TENM2: variants seen among roughly 807,000 people sequenced by gnomAD.
TENM2 encodes teneurin-2.
In TENM2, 52 loss-of-function variants were observed where a neutral mutation model predicts 245.2. The ratio of observed to expected loss-of-function variants is 0.21; its 90% confidence interval spans 0.17 to 0.27. The LOEUF is 0.27. Ranked by LOEUF, TENM2 falls within the 10% of genes least tolerant of loss-of-function variation. The pLI, the probability that TENM2 is intolerant of heterozygous loss-of-function variation, is 1.00. For missense variants in TENM2, 3,046 were observed against 3,666.8 expected, an observed-to-expected ratio of 0.83 and a Z score of 4.37; for synonymous variants, 1,363 against 1,438.9, an observed-to-expected ratio of 0.95 and a Z score of 1.19.
chr5:167,899,656 A>G lies in TENM2; in HGVS notation c.712+23461A>G, dbSNP rs1187590584. On this transcript the variant is annotated intron_variant, in intron 3 of 28. Transcript: ENST00000518659. ...TGACCTCTCTGTGGAAACCAGAGTG[A>G]CTCATTTAGAGGGCAACACTCAGTG... 5.3e-5 allele frequency among the ~76,000 whole-genome samples: 8 copies of G among 152,108 alleles called. No individual in the cohort carries two copies. The East Asian group carries it at 1.5e-3, about 29-fold the overall frequency.
At chr5:168,033,883 C>T (rs1475019778) in intron 5 of TENM2, among the ~76,000 whole-genome samples, 4 of 151,644 alleles carry the variant, frequency 2.6e-5, no homozygotes, top group Non-Finnish European at 5.9e-5. Flanking sequence ...AAAAATTAGC[C>T]AGGTGTGGTT....
At chr5:167,757,157 A>G (rs1762362573) in intron 2 of TENM2, among the ~76,000 whole-genome samples, 1 of 151,420 alleles carries the variant, frequency 6.6e-6, no homozygotes. Context: ...TTTGTTACAT[A>G]GGTATATATG....
At chr5:167,203,628 T>C in the TENM2 span, among the ~76,000 whole-genome samples, 5 of 152,304 alleles carry the variant, frequency 3.3e-5, no homozygotes, top group East Asian at 9.6e-4. Flanking sequence ...GAGGCTCTAC[T>C]TAAAAAAATG....
chr5:167,969,087 G>A (rs1781583364), intron 4 of TENM2, among the ~76,000 whole-genome samples: 1 of 152,142 alleles, frequency 6.6e-6, no homozygotes, highest in Non-Finnish European at 1.5e-5. Flanking sequence ...TTTGTGCCCA[G>A]TAGGATACTA....
At chr5:167,734,580 G>C (rs376133190) in intron 2 of TENM2, among the ~76,000 whole-genome samples, 5 of 151,666 alleles carry the variant, frequency 3.3e-5, no homozygotes, top group East Asian at 3.9e-4. Flanking sequence ...TATCCTTCTT[G>C]TGCCAAACGA....
intron 2 of TENM2, among the ~76,000 whole-genome samples, chr5:167,607,122 A>G (rs1038912202): frequency 2.0e-5 from 3 of 152,146 alleles, no homozygotes; most frequent in African/African-American, 7.2e-5. Flanking sequence ...CTCTAGAAAA[A>G]TCATTCACTG....
chr5:167,483,267 A>T lies in TENM2; in HGVS notation c.502+107794A>T, dbSNP rs182313485. The stretch of plus-strand genomic sequence containing the variant: ...TTGAAAATCAGTGATTAGACAAAGG[A>T]TGCTTCCTTGCCCCTGGCAGCCTTC... On this transcript the variant is annotated intron_variant, in intron 2 of 28. Coordinates refer to ENST00000518659, the Ensembl canonical transcript of TENM2. 2.4e-3 allele frequency among the ~76,000 whole-genome samples: 372 copies of T among 152,330 alleles called. 11 individuals carry two copies. The highest frequency in any genetic ancestry group is 0.023 in the Admixed American group (353 of 15,298).
At chr5:167,460,654 A>G (rs554795852) in intron 2 of TENM2, among the ~76,000 whole-genome samples, 2 of 151,384 alleles carry the variant, frequency 1.3e-5, no homozygotes, top group South Asian at 4.2e-4. Context: ...ACCACAGTTC[A>G]TTGGGCTGGA....
chr5:167,489,042 C>G (rs1324157310), intron 2 of TENM2, among the ~76,000 whole-genome samples: 2 of 152,182 alleles, frequency 1.3e-5, no homozygotes, highest in African/African-American at 2.4e-5. Flanking sequence ...GTCCACTGCT[C>G]TAACTCTGGT....
At chr5:168,193,629 A>G (rs1761140094) in intron 14 of TENM2, among the ~76,000 whole-genome samples, 1 of 152,206 alleles carries the variant, frequency 6.6e-6, no homozygotes, top group Non-Finnish European at 1.5e-5. Flanking sequence ...TACAGGAATG[A>G]TTTAAAAGAA....
At chr5:167,509,754 A>T (rs1186730033) in intron 2 of TENM2, among the ~76,000 whole-genome samples, 1 of 152,190 alleles carries the variant, frequency 6.6e-6, no homozygotes, top group Non-Finnish European at 1.5e-5. Flanking sequence ...CATAATTTTA[A>T]CAATAATGCT....
intron 1 of TENM2, among the ~76,000 whole-genome samples, chr5:167,343,083 T>G (rs1758225866): frequency 6.6e-6 from 1 of 152,176 alleles, no homozygotes; most frequent in Admixed American, 6.5e-5. Flanking sequence ...TTAATACTAT[T>G]TTATTTACTT....
rs531368991 is a variant in TENM2, at chr5:167,864,689, A to G, written c.503-11297A>G. On this transcript the variant is annotated intron_variant, in intron 2 of 28. Transcript: ENST00000518659. ...GTGGCATGAGGTCTAAAATCAGAAA[A>G]CCTCGGTTCCAACTCTTCTTCCCAA... Among the ~76,000 whole-genome samples the G allele has an allele frequency of 1.6e-4, 24 of 152,184 alleles. 1 individual carries two copies. The East Asian group carries it at 4.6e-3, about 29-fold the overall frequency.
intron 2 of TENM2, among the ~76,000 whole-genome samples, chr5:167,729,689 A>G (rs1212648933): frequency 6.6e-6 from 1 of 152,182 alleles, no homozygotes; most frequent in Non-Finnish European, 1.5e-5. Flanking sequence ...AAGGTTTGTG[A>G]GTATTTTTTC....
At chr5:167,844,920 C>T (rs1041249499) in intron 2 of TENM2, among the ~76,000 whole-genome samples, 1 of 150,222 alleles carries the variant, frequency 6.7e-6, no homozygotes, top group Non-Finnish European at 1.5e-5. Context: ...CTCTTTTAGT[C>T]TTCTCCTAAC....
At chr5:167,393,208 GA>G (rs1337084161) in intron 2 of TENM2, among the ~76,000 whole-genome samples, 2 of 151,806 alleles carry the variant, frequency 1.3e-5, no homozygotes, top group Non-Finnish European at 2.9e-5. Context: ...GAAAATAGAA[GA>G]GAGGGAGAGA....
chr5:167,815,203 A>G (rs532856936), intron 2 of TENM2, among the ~76,000 whole-genome samples: 1 of 152,276 alleles, frequency 6.6e-6, no homozygotes, highest in East Asian at 1.9e-4. Context: ...AAGGCAGGAT[A>G]TTGCAGGCCA....
At chr5:167,841,134 G>A (rs1583158494) in intron 2 of TENM2, among the ~76,000 whole-genome samples, 2 of 151,036 alleles carry the variant, frequency 1.3e-5, no homozygotes, top group East Asian at 3.9e-4. Context: ...TCAGCTCACT[G>A]CAACCTCCAT....
chr5:167,955,706 A>G (rs191321020), intron 4 of TENM2, among the ~76,000 whole-genome samples: 31 of 152,306 alleles, frequency 2.0e-4, no homozygotes, highest in Admixed American at 1.4e-3. Context: ...TTTTTCCAAC[A>G]CCATTTATTA....
Sources: gnomAD v4.1 joint callset for allele counts (sites outside exome capture counted in the v4.1 genomes callset) on GRCh38, gnomAD v4.1.1 for gene constraint, MANE v1.5 for transcripts, NCBI Gene and HGNC (gene_info 2026-07-23, HGNC 2026-07-21) for gene names.